C2CD5: variants seen among roughly 807,000 people sequenced by gnomAD.
The protein encoded by C2CD5 is C2 calcium dependent domain containing 5.
C2CD5 carries 109 observed loss-of-function variants against 130.3 expected under a neutral mutation model. The observed-to-expected ratio is 0.84, with a 90% CI of 0.72 to 0.98. The LOEUF is 0.98. C2CD5 is among the 50% of genes least tolerant of loss of function. C2CD5 has a pLI of 0.00. For synonymous variants in C2CD5, 454 were observed against 429.2 expected (o/e 1.06, Z -0.71); for missense variants, 996 against 1,261.8 (o/e 0.79, Z 3.19).
chr12:22,494,103 C>T (rs1231977514), intron 10 of C2CD5, among the ~76,000 whole-genome samples: 1 of 151,988 alleles, frequency 6.6e-6, no homozygotes, highest in Non-Finnish European at 1.5e-5. Flanking sequence ...ATCTGTCATA[C>T]ATATTTCCTA....
chr12:22,519,505 G>T (rs1351228582), intron 7 of C2CD5, among the ~76,000 whole-genome samples: 2 of 151,964 alleles, frequency 1.3e-5, no homozygotes, highest in Non-Finnish European at 2.9e-5. Flanking sequence ...AATAGTCAAT[G>T]AAATTAAATG....
intron 11 of C2CD5, among the ~76,000 whole-genome samples, chr12:22,491,541 G>A (rs991688496): frequency 6.6e-6 from 1 of 152,050 alleles, no homozygotes; most frequent in Non-Finnish European, 1.5e-5. Flanking sequence ...TAATTATCCA[G>A]TAGAATGTAA....
chr12:22,510,207 A>G (rs1362765534), intron 9 of C2CD5, among the ~76,000 whole-genome samples: 3 of 152,110 alleles, frequency 2.0e-5, no homozygotes, highest in Non-Finnish European at 4.4e-5. Flanking sequence ...CTTCATCTCA[A>G]TGAAAAAAAA....
intron 22 of C2CD5, among the ~76,000 whole-genome samples, chr12:22,465,446 T>A (rs572585480): frequency 6.6e-6 from 1 of 152,278 alleles, no homozygotes; most frequent in South Asian, 2.1e-4. Flanking sequence ...TACACACTTG[T>A]CTAATATAAG....
intron 8 of C2CD5, among the ~76,000 whole-genome samples, chr12:22,515,313 A>G (rs1296045808): frequency 6.6e-6 from 1 of 152,208 alleles, no homozygotes; most frequent in Non-Finnish European, 1.5e-5. Context: ...AAGACCATCT[A>G]TCCCACGTAA....
intron 3 of C2CD5, among the ~76,000 whole-genome samples, chr12:22,530,093 TATATATATATATATATATACACAC>T (rs1951091422): frequency 9.1e-6 from 1 of 110,084 alleles, no homozygotes; most frequent in South Asian, 2.9e-4. Flanking sequence ...TATATATATA[TATATATATATATATATATACACAC>T]ACACACACAC....
chr12:22,467,994 C>A (rs1452798976), intron 22 of C2CD5, among the ~76,000 whole-genome samples: 1 of 151,412 alleles, frequency 6.6e-6, no homozygotes, highest in East Asian at 1.9e-4. Context: ...ACAGAGCTAA[C>A]AGGGACCCCA....
At chr12:22,524,381 C>A in intron 6 of C2CD5, 91 bp downstream of exon 6, 1 of 1,023,638 alleles carries the variant, frequency 9.8e-7, no homozygotes, top group Non-Finnish European at 1.5e-6. Context: ...TCATAGCCTT[C>A]ATTGTAAAGT....
At chr12:22,490,266 A>G (rs1946167101) in intron 11 of C2CD5, 48 bp from the exon 12 acceptor site, 1 of 1,299,472 alleles carries the variant, frequency 7.7e-7, no homozygotes, top group African/African-American at 1.5e-5. Flanking sequence ...AGACCGTATA[A>G]CTTTGGGAAA....
At chr12:22,515,274 T>TTTAAATG (rs1949603360) in intron 8 of C2CD5, 1 of 204,812 alleles carries the variant, frequency 4.9e-6, no homozygotes, top group Non-Finnish European at 8.6e-6. Flanking sequence ...TACAGACAAA[T>TTTAAATG]TACACTAAGC....
intron 3 of C2CD5, among the ~76,000 whole-genome samples, chr12:22,533,017 G>A (rs1292667381): frequency 6.6e-6 from 1 of 152,170 alleles, no homozygotes; most frequent in Non-Finnish European, 1.5e-5. Flanking sequence ...AGAGAAATGG[G>A]CAATATGTGT....
At chr12:22,455,210 C>T (rs1305008610) in intron 25 of C2CD5, among the ~76,000 whole-genome samples, 1 of 152,112 alleles carries the variant, frequency 6.6e-6, no homozygotes, top group African/African-American at 2.4e-5. Context: ...GCCTCCAACT[C>T]AATCATAGTT....
chr12:22,508,427 C>A (rs1164052416), intron 9 of C2CD5, among the ~76,000 whole-genome samples: 1 of 152,010 alleles, frequency 6.6e-6, no homozygotes, highest in African/African-American at 2.4e-5. Context: ...TCCTTATTTC[C>A]ATTTAAACTT....
chr12:22,516,338 A>C (rs1468361136), intron 8 of C2CD5, among the ~76,000 whole-genome samples: 1 of 151,910 alleles, frequency 6.6e-6, no homozygotes, highest in Non-Finnish European at 1.5e-5. Flanking sequence ...CAAGGGGCTG[A>C]AAACTGCTAA....
Position 22,459,574 on chromosome 12 carries a change from G to C in C2CD5, c.2534-32C>G, listed in dbSNP as rs1473554129. The stretch of plus-strand genomic sequence containing the variant: ...AGACAATATGAACAACATTAGCTCA[G>C]ATGCTAAGTACAAGCCAGTACCTCT... On this transcript the variant is annotated intron_variant, in intron 22 of 26. Transcript: ENST00000446597. 2.9e-6 allele frequency: 4 copies of C among 1,388,152 alleles called. No homozygotes were observed. The South Asian group carries it at 3.7e-5, about 13-fold the overall frequency. 86.0% of individuals were successfully genotyped at this position (1,388,152 alleles called of 1,614,324 possible). A position where few individuals can be genotyped will look rare whatever the true frequency, so the allele number is the denominator to read the frequency against.
intron 26 of C2CD5, among the ~76,000 whole-genome samples, chr12:22,451,978 A>G (rs1938726812): frequency 6.6e-6 from 1 of 152,168 alleles, no homozygotes; most frequent in African/African-American, 2.4e-5. Flanking sequence ...TTTTTATCCC[A>G]ATGTTATAGA....
At chr12:22,495,887 G>T (rs1412754577) in intron 10 of C2CD5, among the ~76,000 whole-genome samples, 1 of 152,028 alleles carries the variant, frequency 6.6e-6, no homozygotes. Flanking sequence ...CGCATGCTTG[G>T]ATCAGGTGAC....
At chr12:22,527,650 C>A in intron 4 of C2CD5, 71 bp downstream of exon 4, 1 of 935,910 alleles carries the variant, frequency 1.1e-6, no homozygotes, top group Non-Finnish European at 1.6e-6. Context: ...GCAAATATAG[C>A]ACAAATGTCT....
chr12:22,477,523 T>TA, intron 15 of C2CD5, among the ~76,000 whole-genome samples: 1 of 152,210 alleles, frequency 6.6e-6, no homozygotes. Flanking sequence ...TTTATTTTTT[T>TA]AATTATACTT....
Sources: allele counts gnomAD v4.1 joint callset (sites outside exome capture counted in the v4.1 genomes callset), GRCh38; gene constraint gnomAD v4.1.1; transcripts MANE v1.5; gene names NCBI Gene and HGNC (gene_info 2026-07-23, HGNC 2026-07-21).